STAG1: variants seen among roughly 807,000 people sequenced by gnomAD.
The protein encoded by STAG1 is cohesin subunit SA-1.
A neutral mutation model predicts 170.9 loss-of-function variants in STAG1; 26 were observed. The ratio of observed to expected loss-of-function variants is 0.15; its 90% CI spans 0.11 to 0.21. The LOEUF (loss-of-function observed/expected upper bound fraction) is 0.21, where lower values mean the gene tolerates loss of function less well. Ranked by LOEUF, STAG1 falls within the 10% of genes least tolerant of loss-of-function variation. The pLI, the probability that STAG1 is intolerant of heterozygous loss-of-function variation, is 1.00. For missense variants in STAG1, 964 were observed against 1,509.5 expected (o/e 0.64, Z 5.99); for synonymous variants, 514 against 497.7 (o/e 1.03, Z -0.44).
At chr3:136,645,842 C>T (rs1035103860) in intron 1 of STAG1, among the ~76,000 whole-genome samples, 1 of 152,172 alleles carries the variant, frequency 6.6e-6, no homozygotes, top group East Asian at 1.9e-4. Context: ...TTTCTGACCA[C>T]CTACCACTGC....
At chr3:136,718,532 AATAGAATCCTGTGATGCT>A (rs1933004373) in intron 1 of STAG1, among the ~76,000 whole-genome samples, 1 of 152,206 alleles carries the variant, frequency 6.6e-6, no homozygotes, top group Non-Finnish European at 1.5e-5. Flanking sequence ...TACTAGCTGG[AATAGAATCCTGTGATGCT>A]ATCTATGATT....
chr3:136,549,605 T>A (rs1293463029), intron 5 of STAG1, among the ~76,000 whole-genome samples: 1 of 152,032 alleles, frequency 6.6e-6, no homozygotes, highest in East Asian at 1.9e-4. Flanking sequence ...CCAGCCTGGT[T>A]TTCTATATAT....
intron 21 of STAG1, among the ~76,000 whole-genome samples, chr3:136,399,452 C>T (rs1320278703): frequency 6.6e-6 from 1 of 152,108 alleles, no homozygotes; most frequent in Non-Finnish European, 1.5e-5. Flanking sequence ...GTTTTTTACG[C>T]ATATCGTTGA....
intron 1 of STAG1, among the ~76,000 whole-genome samples, chr3:136,729,520 T>C (rs914222282): frequency 6.6e-6 from 1 of 152,092 alleles, no homozygotes; most frequent in Non-Finnish European, 1.5e-5. Context: ...TACCCTAATT[T>C]TGAAGTACTG....
At chr3:136,723,512 G>C (rs1933440697) in intron 1 of STAG1, among the ~76,000 whole-genome samples, 1 of 151,422 alleles carries the variant, frequency 6.6e-6, no homozygotes, top group African/African-American at 2.4e-5. Context: ...CCCCATCTGG[G>C]AAGTGAGGAG....
intron 1 of STAG1, among the ~76,000 whole-genome samples, chr3:136,635,968 C>T (rs111866737): frequency 3.3e-5 from 5 of 152,172 alleles, no homozygotes; most frequent in African/African-American, 9.7e-5. Flanking sequence ...AATCCAGAGG[C>T]CGGGCACCAT....
chr3:136,444,923 C>T (rs2088734676), intron 14 of STAG1, among the ~76,000 whole-genome samples: 1 of 152,008 alleles, frequency 6.6e-6, no homozygotes, highest in Non-Finnish European at 1.5e-5. Flanking sequence ...TGCACTGGCA[C>T]AATCACGGCT....
intron 1 of STAG1, among the ~76,000 whole-genome samples, chr3:136,659,431 C>T (rs1941500482): frequency 6.6e-6 from 1 of 152,130 alleles, no homozygotes; most frequent in African/African-American, 2.4e-5. Context: ...CATTAACAGC[C>T]AATCATGTAA....
At chr3:136,714,965 TTTA>T (rs1943492178) in intron 1 of STAG1, among the ~76,000 whole-genome samples, 4 of 62,290 alleles carry the variant, frequency 6.4e-5, no homozygotes, top group South Asian at 4.8e-4. Context: ...ATATATATAT[TTTA>T]TATATATATT....
In STAG1 at chr3:136,432,666, C is replaced by A. The variant is rs554096801; in HGVS notation, c.1650+890G>T. On this transcript the variant is annotated intron_variant, in intron 16 of 33. Transcript: ENST00000383202. ...GAACTACAGGTGCATGCCACCCTGC[C>A]CAGCTCATTTTTGTATTTTTAGTAG... 2.6e-5 allele frequency among the ~76,000 whole-genome samples: 4 copies of A among 152,048 alleles called. No homozygotes were observed. The East Asian group carries it at 7.7e-4, about 29-fold the overall frequency.
chr3:136,564,974 G>GAAGGAAGGAAGGA (rs1400273549), intron 5 of STAG1, among the ~76,000 whole-genome samples: 3 of 67,964 alleles, frequency 4.4e-5, no homozygotes, highest in African/African-American at 1.6e-4. Context: ...AGGAAGGAAG[G>GAAGGAAGGAAGGA]AAGGAAGGAA....
At position 136,611,948 on chromosome 3, in the gene STAG1, C is replaced by T. The variant is rs376462677; in HGVS notation, c.133-7475G>A. Among the ~76,000 whole-genome samples, 8 of 151,840 alleles carry T rather than the reference C, an allele frequency of 5.3e-5. No individual in the cohort carries two copies. In the East Asian group the frequency reaches 1.2e-3, roughly 22 times the overall value. Reference sequence around the variant, plus strand: ...CCGCAAGCTCCGCCTCCTGGGTTCACGCCATTCTCCTGCCTCAGCCTCCCG... The same window carrying T: ...CCGCAAGCTCCGCCTCCTGGGTTCATGCCATTCTCCTGCCTCAGCCTCCCG... On this transcript the variant is annotated intron_variant, in intron 3 of 33. Transcript: ENST00000383202.
intron 12 of STAG1, among the ~76,000 whole-genome samples, chr3:136,465,298 C>G (rs1046874741): frequency 6.8e-6 from 1 of 146,920 alleles, no homozygotes; most frequent in East Asian, 2.2e-4. Context: ...TGGCTCACTG[C>G]AACCTCTGCC....
chr3:136,571,291 G>C (rs924204447), intron 4 of STAG1, among the ~76,000 whole-genome samples: 11 of 152,186 alleles, frequency 7.2e-5, no homozygotes, highest in African/African-American at 2.7e-4. Flanking sequence ...ACTTTGGTCT[G>C]AGCGTGGTGG....
At chr3:136,610,920 T>A (rs1266704047) in intron 3 of STAG1, among the ~76,000 whole-genome samples, 1 of 152,180 alleles carries the variant, frequency 6.6e-6, no homozygotes, top group Non-Finnish European at 1.5e-5. Flanking sequence ...TAGTTTTTCA[T>A]TTTTTAATCA....
intron 26 of STAG1, among the ~76,000 whole-genome samples, chr3:136,362,641 A>G (rs546807918): frequency 2.7e-4 from 41 of 151,304 alleles, no homozygotes; most frequent in Non-Finnish European, 5.0e-4. Context: ...AAGAAAAAAG[A>G]AAAGAAATTT....
chr3:136,748,309 G>C (rs571781752), intron 1 of STAG1, among the ~76,000 whole-genome samples: 27 of 152,078 alleles, frequency 1.8e-4, no homozygotes, highest in Non-Finnish European at 3.5e-4. Context: ...GCTGAGGCAC[G>C]CGAATCGCCT....
chr3:136,614,922 T>C lies in STAG1; in HGVS notation c.132+8224A>G, dbSNP rs372294481. On this transcript the variant is annotated intron_variant, in intron 3 of 33. Transcript: ENST00000383202. ...TGGGGACTGCATAATGCAAAAATTTTATACATACACAATTAAAAGATAAAG... is the reference window on the plus strand; with the variant it reads ...TGGGGACTGCATAATGCAAAAATTTCATACATACACAATTAAAAGATAAAG... Among the ~76,000 whole-genome samples the C allele has an allele frequency of 5.3e-5, 8 of 152,296 alleles. No individual in the cohort carries two copies. The East Asian group carries it at 1.2e-3, about 22-fold the overall frequency.
At chr3:136,516,597 A>G (rs1423755135) in intron 7 of STAG1, among the ~76,000 whole-genome samples, 1 of 152,166 alleles carries the variant, frequency 6.6e-6, no homozygotes, top group Non-Finnish European at 1.5e-5. Context: ...CTACTTGTTT[A>G]TTTATGATTT....
Sources: allele counts gnomAD v4.1 joint callset (sites outside exome capture counted in the v4.1 genomes callset), GRCh38; gene constraint gnomAD v4.1.1; transcripts MANE v1.5; gene names NCBI Gene and HGNC (gene_info 2026-07-23, HGNC 2026-07-21).